Variants in AGAP1 observed in about 807,000 individuals in gnomAD.
AGAP1 encodes the protein ArfGAP with GTPase domain, ankyrin repeat and PH domain 1.
Under a neutral mutation model 105.3 loss-of-function variants are expected in AGAP1, and 29 were observed. The observed-to-expected ratio is 0.28, with a 90% CI of 0.21 to 0.38. AGAP1 has a LOEUF of 0.38. Among genes scored for constraint, AGAP1 ranks in the 10% least tolerant of loss-of-function variants. AGAP1 has a pLI of 1.00. For synonymous variants in AGAP1, 509 were observed against 485.9 expected, an observed-to-expected ratio of 1.05 and a Z score of -0.63; for missense variants, 998 against 1,165.1, an observed-to-expected ratio of 0.86 and a Z score of 2.09.
At chr2:235,748,481 C>A (rs952563325) in intron 5 of AGAP1, among the ~76,000 whole-genome samples, 1 of 152,108 alleles carries the variant, frequency 6.6e-6, no homozygotes, top group Admixed American at 6.5e-5. Context: ...TACTAATCAG[C>A]AAGACAAGAA....
intron 3 of AGAP1, chr2:235,718,269 C>G (rs1469509226): frequency 1.6e-6 from 1 of 622,208 alleles, no homozygotes; most frequent in Non-Finnish European, 2.0e-6. Flanking sequence ...GTGTAGTTGA[C>G]AAGCAGTTTT....
intron 13 of AGAP1, among the ~76,000 whole-genome samples, chr2:235,985,404 G>T (rs1027216924): frequency 4.6e-5 from 7 of 152,282 alleles, no homozygotes; most frequent in Admixed American, 4.6e-4. Flanking sequence ...TAGGTTGCCT[G>T]TTCACTCTGA....
rs141537504 is a variant in AGAP1, at chr2:235,647,696, A to C, written c.164-61483A>C. Among the ~76,000 whole-genome samples, 1,247 of 152,244 alleles carry C rather than the reference A, an allele frequency of 8.2e-3. 6 individuals are homozygous for C. The highest frequency in any genetic ancestry group is 0.014 in the Non-Finnish European group (940 of 68,018). On this transcript the variant is annotated intron_variant, in intron 1 of 17. Coordinates refer to ENST00000304032, the MANE Select transcript of AGAP1 (RefSeq NM_001037131.3). ...AGCCACCATGCCTGGCTGAGGAATCACATTTTAATAGCCTCACAAAGAAAT... is the reference window on the plus strand; with the variant it reads ...AGCCACCATGCCTGGCTGAGGAATCCCATTTTAATAGCCTCACAAAGAAAT...
At chr2:235,851,501 T>C (rs981931621) in intron 9 of AGAP1, among the ~76,000 whole-genome samples, 1 of 152,330 alleles carries the variant, frequency 6.6e-6, no homozygotes, top group African/African-American at 2.4e-5. Flanking sequence ...CAGAGAATTT[T>C]TTTTTTAAAG....
At chr2:235,881,931 G>C (rs749506911) in intron 9 of AGAP1, among the ~76,000 whole-genome samples, 12 of 152,206 alleles carry the variant, frequency 7.9e-5, no homozygotes, top group Non-Finnish European at 1.3e-4. Flanking sequence ...AAATTTGCCA[G>C]TGGAATTTTG....
chr2:235,697,931 C>G (rs1031983475), intron 1 of AGAP1, among the ~76,000 whole-genome samples: 2 of 152,162 alleles, frequency 1.3e-5, no homozygotes, highest in Admixed American at 6.5e-5. Context: ...AATACAGTGG[C>G]TCTTGCATAC....
At chr2:235,844,078 C>A (rs1356776958) in intron 9 of AGAP1, among the ~76,000 whole-genome samples, 1 of 152,216 alleles carries the variant, frequency 6.6e-6, no homozygotes, top group African/African-American at 2.4e-5. Flanking sequence ...GTCCTCCCCA[C>A]TGCTAATGAA....
intron 9 of AGAP1, among the ~76,000 whole-genome samples, chr2:235,838,871 A>G (rs1021872059): frequency 1.3e-5 from 2 of 152,170 alleles, no homozygotes; most frequent in African/African-American, 4.8e-5. Flanking sequence ...AAGAAGCATA[A>G]ATTAGAAGTG....
At chr2:235,859,781 C>A (rs1027323592) in intron 9 of AGAP1, among the ~76,000 whole-genome samples, 1 of 152,224 alleles carries the variant, frequency 6.6e-6, no homozygotes, top group African/African-American at 2.4e-5. Flanking sequence ...GCCTGCCCTT[C>A]ACAGCACTGT....
At chr2:235,803,191 T>C (rs1316624572) in intron 8 of AGAP1, among the ~76,000 whole-genome samples, 1 of 141,566 alleles carries the variant, frequency 7.1e-6, no homozygotes, top group East Asian at 2.0e-4. Flanking sequence ...GTGATGATGG[T>C]TGTGGTGGTA....
rs898661631 is a variant in AGAP1 at position 235,733,857 on chromosome 2, G to A, written c.311-7106G>A. 6.6e-6 allele frequency among the ~76,000 whole-genome samples: 1 copy of A among 152,156 alleles called. No individual in the cohort carries two copies. The highest frequency in any genetic ancestry group is 1.5e-5 in the Non-Finnish European group (1 of 68,036). On this transcript the variant is annotated intron_variant, in intron 3 of 17. Transcript: ENST00000304032. This position sits in a 1 kb window ranked among gnomAD's most constrained non-coding sequence, Gnocchi z 5.0. ...TGTAAATTAAAAAAAAAAGTTGGGA[G>A]AGGAAGTGAAATCTGATTTGGCTAA...
In AGAP1 at chr2:235,718,690, C is replaced by T. The variant is rs189752214; in HGVS notation, c.310+1046C>T. On this transcript the variant is annotated intron_variant, in intron 3 of 17. Coordinates refer to ENST00000304032, the MANE Select transcript of AGAP1 (RefSeq NM_001037131.3). ...TAAAAGTGGCTTGAGGCTCTGCCAC[C>T]GTTTTGCAGAATTGTGTAGTCATGT... Among the ~76,000 whole-genome samples, 226 of 152,234 alleles carry T rather than the reference C, an allele frequency of 1.5e-3. 1 individual carries two copies. The highest frequency in any genetic ancestry group is 4.8e-3 in the African/African-American group (199 of 41,558).
intron 1 of AGAP1, among the ~76,000 whole-genome samples, chr2:235,708,231 G>A (rs1950650359): frequency 6.6e-6 from 1 of 152,244 alleles, no homozygotes; most frequent in African/African-American, 2.4e-5. Flanking sequence ...AATCCCATGT[G>A]GAAAGAGCTA....
rs1338858491 is a variant in AGAP1 at position 236,038,134 on chromosome 2, T to A, written c.1800+1419T>A. On this transcript the variant is annotated intron_variant, in intron 14 of 17. Coordinates refer to ENST00000304032, the MANE Select transcript of AGAP1 (RefSeq NM_001037131.3). The surrounding 1 kb of genome is among the most constrained non-coding windows in gnomAD (Gnocchi z 4.5). ...GGTGGGGAGAACCACTGCCTTTCAT[T>A]CCATACACCCTGGCTTTACTGGGTC... 6.6e-6 allele frequency among the ~76,000 whole-genome samples: 1 copy of A among 152,168 alleles called. No individual in the cohort carries two copies. The highest frequency in any genetic ancestry group is 1.5e-5 in the Non-Finnish European group (1 of 68,028).
Position 235,882,799 on chromosome 2 carries a change from G to A in AGAP1, c.1051-546G>A, listed in dbSNP as rs561081626. On this transcript the variant is annotated intron_variant, in intron 9 of 17. Transcript: ENST00000304032. This position sits in a 1 kb window ranked among gnomAD's most constrained non-coding sequence, Gnocchi z 4.6. The stretch of plus-strand genomic sequence containing the variant: ...CTGGTTAATGCAGTTTTTTTAGTTT[G>A]TTCTTTCTTTTTCTCTTTGTCTCTC... Among the ~76,000 whole-genome samples, 1 of 151,606 alleles carries A rather than the reference G, an allele frequency of 6.6e-6. No individual in the cohort carries two copies. The highest frequency in any genetic ancestry group is 2.1e-4 in the South Asian group (1 of 4,800).
rs1374688063 is a variant in AGAP1, at chr2:235,866,598, C to T, written c.1051-16747C>T. 6.6e-6 allele frequency among the ~76,000 whole-genome samples: 1 copy of T among 152,220 alleles called. No individual in the cohort carries two copies. The highest frequency in any genetic ancestry group is 1.9e-4 in the East Asian group (1 of 5,200). ...AGCATTTCTCTGTCCTAGAGCAGTG[C>T]ACAGCCTGTTCATGCACCTGTGTGT... On this transcript the variant is annotated intron_variant, in intron 9 of 17. Transcript: ENST00000304032. The surrounding 1 kb of genome is among the most constrained non-coding windows in gnomAD (Gnocchi z 6.1).
intron 16 of AGAP1, among the ~76,000 whole-genome samples, chr2:236,112,432 A>G (rs977334494): frequency 3.3e-5 from 5 of 151,628 alleles, no homozygotes; most frequent in Non-Finnish European, 7.4e-5. Flanking sequence ...AAAAAAGGAA[A>G]ACGAAAGAAA....
At position 235,586,124 on chromosome 2, in the gene AGAP1, A is replaced by G. The variant is rs985769058; in HGVS notation, c.163+91275A>G. Among the ~76,000 whole-genome samples, 1 of 152,148 alleles carries G rather than the reference A, an allele frequency of 6.6e-6. No homozygotes were observed. Among genetic ancestry groups the G allele is most frequent in the Non-Finnish European group, 1.5e-5 (1 of 68,034 alleles). Reference sequence around the variant, plus strand: ...GGCTGAAAAAAATGCCTCCTGGAAAAAGCAGTAAATGTAAGGATTTAGGTC... The same window carrying G: ...GGCTGAAAAAAATGCCTCCTGGAAAGAGCAGTAAATGTAAGGATTTAGGTC... On this transcript the variant is annotated intron_variant, in intron 1 of 17. Transcript: ENST00000304032. This position sits in a 1 kb window ranked among gnomAD's most constrained non-coding sequence, Gnocchi z 4.2.
In AGAP1 at chr2:235,979,451, TTAA is replaced by T. The variant is rs1238785159; in HGVS notation, c.1645+10830_1645+10832del. 6.6e-6 allele frequency among the ~76,000 whole-genome samples: 1 copy of T among 152,208 alleles called. No homozygotes were observed. Among genetic ancestry groups the T allele is most frequent in the Non-Finnish European group, 1.5e-5 (1 of 68,032 alleles). On this transcript the variant is annotated intron_variant, in intron 13 of 17. Transcript: ENST00000304032. The surrounding 1 kb of genome is among the most constrained non-coding windows in gnomAD (Gnocchi z 4.5). Reference sequence around the variant, plus strand: ...CTCGCGCTCATTTTATCAAGATGTATTAATGCTTTGGAGAAGGTGTAGTTGAGA... The same window carrying T: ...CTCGCGCTCATTTTATCAAGATGTATTGCTTTGGAGAAGGTGTAGTTGAGA...
Sources: allele counts gnomAD v4.1 joint callset (sites outside exome capture counted in the v4.1 genomes callset), GRCh38; gene constraint gnomAD v4.1.1; non-coding constraint Gnocchi (gnomAD v3.1); transcripts MANE v1.5; gene names NCBI Gene and HGNC (gene_info 2026-07-23, HGNC 2026-07-21).